The following WHAMM variants were observed in gnomAD, a reference collection of about 807,000 sequenced individuals.
The protein encoded by WHAMM is WASP homolog associated with actin, golgi membranes and microtubules, also known as WASP homolog-associated protein with actin, membranes and microtubules.
A neutral mutation model predicts 76.5 loss-of-function variants in WHAMM; 67 were observed. That is an observed-to-expected ratio of 0.88 (90% CI 0.72 to 1.07). The LOEUF is 1.07. Among genes scored for constraint, WHAMM ranks in the 50% least tolerant of loss-of-function variants. WHAMM has a pLI of 0.00. For synonymous variants in WHAMM, 419 were observed against 422.1 expected (o/e 0.99, Z 0.09); for missense variants, 1,021 against 1,051.1 (o/e 0.97, Z 0.40).
intron 8 of WHAMM, among the ~76,000 whole-genome samples, chr15:82,830,294 G>A (rs541848712): frequency 6.7e-5 from 10 of 149,782 alleles, no homozygotes; most frequent in South Asian, 2.1e-4. Context: ...CTTATTATTC[G>A]TATTTTAGCA....
Position 82,835,983 on chromosome 15 carries a change from C to G in WHAMM, c.*2447C>G, listed in dbSNP as rs1567002694. On this transcript the variant is annotated 3_prime_UTR_variant, in exon 10 of 10. Coordinates refer to ENST00000286760, the MANE Select transcript of WHAMM (RefSeq NM_001080435.3). ...TTATAATTTCAGTATTTTGAGATAC[C>G]AGCGAGCTTAATCAGGCTAAAATAA... 2.0e-5 allele frequency: 3 copies of G among 152,202 alleles called. No homozygotes were observed. The highest frequency in any genetic ancestry group is 1.3e-4 in the Admixed American group (2 of 15,278). The allele number at this position is 152,202 out of a possible 1,614,324, so 9.4% of individuals were successfully genotyped here.
rs180939008 is a variant in WHAMM, at chr15:82,821,866, C to T, written c.1271-1234C>T. On this transcript the variant is annotated intron_variant, in intron 5 of 9. Transcript: ENST00000286760. ...TATGTCTCTCTCCATTTATTTAAAT[C>T]TTTTTTCCTAAAGTTCCTCCAAGTT... 5.1e-3 allele frequency among the ~76,000 whole-genome samples: 775 copies of T among 152,302 alleles called. 6 individuals are homozygous for T. The highest frequency in any genetic ancestry group is 0.034 in the Middle Eastern group (10 of 294).
At chr15:82,830,461 C>T in intron 8 of WHAMM, 138 bp from the exon 9 acceptor site, 1 of 1,306,174 alleles carries the variant, frequency 7.7e-7, no homozygotes. Flanking sequence ...GAAAGGATGG[C>T]TGTACAAACA....
chr15:82,830,966 C>G lies in WHAMM; in HGVS notation c.2009C>G (p.Thr670Ser). The change falls in exon 9 of 10, where the codon ACT becomes AGT. Residue 670 changes from threonine to serine, a missense_variant. Thr to Ser is a moderately conservative substitution (Grantham distance 58, BLOSUM62 1). Around this residue, in one of 3 missense-constraint regions of WHAMM, gnomAD observed 509 missense variants for 492.3 expected, o/e 1.03. Transcript: ENST00000286760. ...CTGTCCTCATCCTCTCAAGCTGCAA[C>G]TCATCAGAACTTAGGCTTCCGGGCT... ...RALSSSSQAA[T>S]HQNLGFRAPV... 2.0e-6 allele frequency: 3 copies of G among 1,498,460 alleles called. No individual in the cohort carries two copies. Among genetic ancestry groups the G allele is most frequent in the Middle Eastern group, 1.8e-4 (1 of 5,498 alleles). The allele number at this position is 1,498,460 out of a possible 1,614,324, so 92.8% of individuals were successfully genotyped here. A position where few individuals can be genotyped will look rare whatever the true frequency, so the allele number is the denominator to read the frequency against.
At chr15:82,816,051 G>A (rs551361222) in intron 2 of WHAMM, among the ~76,000 whole-genome samples, 26 of 152,188 alleles carry the variant, frequency 1.7e-4, no homozygotes, top group African/African-American at 6.3e-4. Context: ...CTGTGTCTTC[G>A]CATGGTGAAG....
At chr15:82,810,675 C>T (rs2050613796) in intron 1 of WHAMM, 3 of 985,332 alleles carry the variant, frequency 3.0e-6, no homozygotes, top group Admixed American at 6.1e-5. Flanking sequence ...CTGAAAACAA[C>T]CCATCCATGT....
chr15:82,817,374 G>C lies in WHAMM; in HGVS notation c.934+532G>C, dbSNP rs563023859. On this transcript the variant is annotated intron_variant, in intron 3 of 9. Coordinates refer to ENST00000286760, the MANE Select transcript of WHAMM (RefSeq NM_001080435.3). Reference sequence around the variant, plus strand: ...CAGGCAGGGGTCAGACCATGCAGGGGCTTGTGGGCTGGGTGAAGGACTTTT... The same window carrying C: ...CAGGCAGGGGTCAGACCATGCAGGGCCTTGTGGGCTGGGTGAAGGACTTTT... 2.6e-5 allele frequency among the ~76,000 whole-genome samples: 4 copies of C among 152,318 alleles called. No homozygotes were observed. In the South Asian group the frequency reaches 8.3e-4, roughly 32 times the overall value.
intron 8 of WHAMM, 37 bp downstream of exon 8, chr15:82,826,883 G>A (rs2050945470): frequency 6.6e-7 from 1 of 1,519,520 alleles, no homozygotes; most frequent in African/African-American, 1.4e-5. Context: ...CTACACTTCT[G>A]GGGAAATAAC....
intron 5 of WHAMM, among the ~76,000 whole-genome samples, chr15:82,821,293 T>C (rs1050968101): frequency 7.9e-5 from 12 of 152,222 alleles, no homozygotes; most frequent in Non-Finnish European, 1.3e-4. Flanking sequence ...CTTCTGCTTT[T>C]AGTATTATGT....
At position 82,810,074 on chromosome 15, in the gene WHAMM, C is replaced by A; in HGVS notation, c.348C>A (p.Gly116=). 1 of 1,211,806 alleles carries A rather than the reference C, an allele frequency of 8.3e-7. No homozygotes were observed. Among genetic ancestry groups the A allele is most frequent in the Non-Finnish European group, 1.0e-6 (1 of 978,288 alleles). The allele number at this position is 1,211,806 out of a possible 1,614,324, so 75.1% of individuals were successfully genotyped here. The change falls in exon 1 of 10, where the codon GGC becomes GGA. Residue 116 remains glycine, a synonymous_variant. Transcript: ENST00000286760. The part of the protein sequence containing the change: ...PRLPPELDVG[G]GGAWGLGLGL... Reference sequence around the variant, plus strand: ...TGCCGCCGGAGCTGGACGTGGGCGGCGGCGGGGCCTGGGGTCTGGGGCTCG... The same window carrying A: ...TGCCGCCGGAGCTGGACGTGGGCGGAGGCGGGGCCTGGGGTCTGGGGCTCG...
intron 5 of WHAMM, among the ~76,000 whole-genome samples, chr15:82,822,858 A>T (rs1471459570): frequency 6.6e-6 from 1 of 152,064 alleles, no homozygotes. Flanking sequence ...GTCTATATAC[A>T]TGTATGTATA....
rs764388785 is a variant in WHAMM at position 82,823,121 on chromosome 15, A to G, written c.1292A>G (p.Tyr431Cys). 9.9e-5 allele frequency: 141 copies of G among 1,426,748 alleles called. No homozygotes were observed. Among genetic ancestry groups the G allele is most frequent in the Middle Eastern group, 7.3e-4 (4 of 5,496 alleles). The allele number at this position is 1,426,748 out of a possible 1,614,324, so 88.4% of individuals were successfully genotyped here. ...LIKEKQDEVV[Y>C]YDPCENPEEL... is the part of the protein sequence containing the mutation. ...TTAGAAAAACAAGATGAAGTTGTCT[A>G]TTACGATCCATGTGAAAATCCAGAG... Residue 431 changes from tyrosine (Y) to cysteine (C), a missense_variant, in exon 6 of 10, where the codon TAT becomes TGT. Tyr to Cys is a radical substitution (Grantham distance 194). Around this residue, in one of 3 missense-constraint regions of WHAMM, gnomAD observed 509 missense variants for 492.3 expected, o/e 1.03. Transcript: ENST00000286760.
chr15:82,816,927 T>C, intron 3 of WHAMM, 85 bp downstream of exon 3: 1 of 1,335,732 alleles, frequency 7.5e-7, no homozygotes, highest in Non-Finnish European at 1.0e-6. Context: ...TCTTACGCAC[T>C]AGGTACTATG....
At chr15:82,820,126 T>C (rs978717965) in intron 5 of WHAMM, among the ~76,000 whole-genome samples, 4 of 152,134 alleles carry the variant, frequency 2.6e-5, no homozygotes, top group African/African-American at 7.2e-5. Flanking sequence ...TTAACCAAAA[T>C]ATATAACCAG....
At chr15:82,827,670 C>A (rs182701536) in intron 8 of WHAMM, among the ~76,000 whole-genome samples, 3 of 152,258 alleles carry the variant, frequency 2.0e-5, no homozygotes, top group Admixed American at 2.0e-4. Flanking sequence ...GGGAGTCAGG[C>A]ACGGTGGCTT....
At chr15:82,820,758 GA>G (rs2050806156) in intron 5 of WHAMM, among the ~76,000 whole-genome samples, 3 of 152,092 alleles carry the variant, frequency 2.0e-5, no homozygotes, top group Non-Finnish European at 4.4e-5. Flanking sequence ...AGCTGGGCAT[GA>G]TGGTAGGCGC....
At chr15:82,828,344 A>G (rs912483104) in intron 8 of WHAMM, among the ~76,000 whole-genome samples, 1 of 152,196 alleles carries the variant, frequency 6.6e-6, no homozygotes, top group Non-Finnish European at 1.5e-5. Flanking sequence ...CATCCCCTGG[A>G]GAGCTTCTTC....
At chr15:82,810,789 GGTGTTTT>G in intron 1 of WHAMM, 4 of 981,338 alleles carry the variant, frequency 4.1e-6, no homozygotes, top group Non-Finnish European at 3.6e-6. Flanking sequence ...TAGGAGATAG[GGTGTTTT>G]GTTTTAAGTA....
intron 6 of WHAMM, 81 bp from the exon 7 acceptor site, chr15:82,826,329 C>G: frequency 1.4e-6 from 2 of 1,449,078 alleles, no homozygotes; most frequent in Non-Finnish European, 1.9e-6. Context: ...AGCCCAAATG[C>G]AGTGCTTTTT....
Sources: allele counts gnomAD v4.1 joint callset (sites outside exome capture counted in the v4.1 genomes callset), GRCh38; gene constraint gnomAD v4.1.1; regional missense constraint gnomAD v4.1.1; transcripts MANE v1.5; gene names NCBI Gene and HGNC (gene_info 2026-07-23, HGNC 2026-07-21).